The following XKR6 variants were observed in gnomAD, a reference collection of about 807,000 sequenced individuals.
The protein encoded by XKR6 is XK related 6.
In XKR6, 22 loss-of-function variants were observed where a neutral mutation model predicts 56.7. The observed-to-expected ratio is 0.39, with a 90% CI of 0.28 to 0.55. XKR6 has a LOEUF of 0.55. Among genes scored for constraint, XKR6 ranks in the 20% least tolerant of loss-of-function variants. The pLI is 0.66. For synonymous variants in XKR6, 524 were observed against 387.8 expected (o/e 1.35, Z -4.13); for missense variants, 852 against 889.0 (o/e 0.96, Z 0.53).
intron 1 of XKR6, among the ~76,000 whole-genome samples, chr8:11,053,948 T>G (rs910157638): frequency 6.6e-6 from 1 of 152,186 alleles, no homozygotes; most frequent in Non-Finnish European, 1.5e-5. Flanking sequence ...GGAGGGAACA[T>G]GGGAAAATGC....
At chr8:11,047,926 C>A (rs1050554855) in intron 1 of XKR6, among the ~76,000 whole-genome samples, 9 of 152,126 alleles carry the variant, frequency 5.9e-5, no homozygotes, top group Non-Finnish European at 1.2e-4. Flanking sequence ...TTGAAAGTCC[C>A]AGTTTTACAG....
intron 1 of XKR6, among the ~76,000 whole-genome samples, chr8:11,128,530 T>C (rs1388136273): frequency 1.3e-5 from 2 of 152,160 alleles, no homozygotes; most frequent in Non-Finnish European, 2.9e-5. Context: ...GTACATCTCA[T>C]TAAGTGGGAC....
intron 1 of XKR6, among the ~76,000 whole-genome samples, chr8:11,049,572 G>A (rs1319821602): frequency 6.6e-6 from 1 of 152,208 alleles, no homozygotes; most frequent in Non-Finnish European, 1.5e-5. Flanking sequence ...GCCCCAGAGA[G>A]AGGGAAATGG....
chr8:10,954,886 T>TTTTTTTTTTTTA (rs1801834290), intron 1 of XKR6, among the ~76,000 whole-genome samples: 1 of 147,424 alleles, frequency 6.8e-6, no homozygotes, highest in Admixed American at 6.8e-5. Context: ...TTTTTTTTTT[T>TTTTTTTTTTTTA]AGACAGAGTT....
chr8:11,110,512 T>G (rs1371083140), intron 1 of XKR6, among the ~76,000 whole-genome samples: 1 of 152,208 alleles, frequency 6.6e-6, no homozygotes, highest in Non-Finnish European at 1.5e-5. Context: ...CCACTGAGCT[T>G]CTACTCAGTC....
At chr8:10,955,009 C>T (rs1801840592) in intron 1 of XKR6, among the ~76,000 whole-genome samples, 1 of 151,864 alleles carries the variant, frequency 6.6e-6, no homozygotes. Context: ...GCTAGGATTA[C>T]AGGCATGTGC....
chr8:10,964,313 G>T (rs1294781645), intron 1 of XKR6, among the ~76,000 whole-genome samples: 1 of 152,176 alleles, frequency 6.6e-6, no homozygotes, highest in African/African-American at 2.4e-5. Flanking sequence ...ACACCTGTTT[G>T]CTCAGTTTTG....
intron 1 of XKR6, among the ~76,000 whole-genome samples, chr8:11,059,837 T>C (rs1799786814): frequency 6.6e-6 from 1 of 151,150 alleles, no homozygotes; most frequent in Admixed American, 6.6e-5. Flanking sequence ...GATCCAGGAG[T>C]GTTCAGGATG....
chr8:11,096,453 T>C (rs1207525077), intron 1 of XKR6, among the ~76,000 whole-genome samples: 1 of 152,254 alleles, frequency 6.6e-6, no homozygotes, highest in East Asian at 1.9e-4. Flanking sequence ...TCTAATTTTT[T>C]GCAGTGAACA....
chr8:11,122,080 T>C (rs922659709), intron 1 of XKR6, among the ~76,000 whole-genome samples: 3 of 152,214 alleles, frequency 2.0e-5, no homozygotes, highest in South Asian at 2.1e-4. Flanking sequence ...TGATAATCAA[T>C]TGTTTTTCAT....
chr8:11,122,673 A>C (rs1416200984), intron 1 of XKR6, among the ~76,000 whole-genome samples: 1 of 152,240 alleles, frequency 6.6e-6, no homozygotes, highest in Non-Finnish European at 1.5e-5. Context: ...ATTGTTCTTC[A>C]AAAAGTTAGT....
chr8:11,031,628 G>C (rs915808117), intron 1 of XKR6, among the ~76,000 whole-genome samples: 4 of 152,182 alleles, frequency 2.6e-5, no homozygotes, highest in Non-Finnish European at 5.9e-5. Context: ...GCTGGGCCAG[G>C]GAAGGAATGG....
At chr8:11,001,190 C>T (rs925628182) in intron 1 of XKR6, among the ~76,000 whole-genome samples, 1 of 152,192 alleles carries the variant, frequency 6.6e-6, no homozygotes, top group Non-Finnish European at 1.5e-5. Flanking sequence ...TACTCAACCA[C>T]AACTCAGTGA....
chr8:11,014,412 C>T (rs1302549315), intron 1 of XKR6, among the ~76,000 whole-genome samples: 1 of 152,186 alleles, frequency 6.6e-6, no homozygotes, highest in South Asian at 2.1e-4. Context: ...ATGATCCTTC[C>T]GTAAAGGCAG....
intron 1 of XKR6, among the ~76,000 whole-genome samples, chr8:10,989,550 G>A (rs1797940671): frequency 6.6e-6 from 1 of 152,236 alleles, no homozygotes; most frequent in African/African-American, 2.4e-5. Flanking sequence ...TAGCAGAGTG[G>A]TTGGAAGAAG....
intron 1 of XKR6, chr8:11,138,261 T>C (rs1800507730): frequency 6.5e-6 from 1 of 153,034 alleles, no homozygotes; most frequent in Admixed American, 6.5e-5. Flanking sequence ...TGTTAGCAGA[T>C]GATAAGACTC....
intron 1 of XKR6, among the ~76,000 whole-genome samples, chr8:11,091,984 G>A (rs1225628000): frequency 2.6e-5 from 4 of 152,182 alleles, no homozygotes; most frequent in Admixed American, 2.6e-4. Flanking sequence ...AAACCCTGCG[G>A]TTCAGAATTT....
In XKR6 at chr8:10,971,639, T is replaced by C. The variant is rs1242431570; in HGVS notation, c.765-46809A>G. On this transcript the variant is annotated intron_variant, in intron 1 of 2. Transcript: ENST00000416569. ...CTGAGGCCAATCAGTGGTTTGGCCC[T>C]GCCCAGCGGTCCTAACTACCTTCAC... Among the ~76,000 whole-genome samples the C allele has an allele frequency of 2.6e-5, 4 of 152,218 alleles. No individual in the cohort carries two copies. In the East Asian group the frequency reaches 7.7e-4, roughly 29 times the overall value.
intron 1 of XKR6, among the ~76,000 whole-genome samples, chr8:11,180,782 C>G (rs1802931112): frequency 6.6e-6 from 1 of 152,098 alleles, no homozygotes; most frequent in South Asian, 2.1e-4. Flanking sequence ...TGGCCTGCAC[C>G]TGTAGTCCCA....
Sources: allele counts gnomAD v4.1 joint callset (sites outside exome capture counted in the v4.1 genomes callset), GRCh38; gene constraint gnomAD v4.1.1; transcripts MANE v1.5; gene names NCBI Gene and HGNC (gene_info 2026-07-23, HGNC 2026-07-21).